Variants in ELAPOR2 observed in about 807,000 individuals in gnomAD.
The protein encoded by ELAPOR2 is endosome/lysosome-associated apoptosis and autophagy regulator family member 2.
Under a neutral mutation model 120.7 loss-of-function variants are expected in ELAPOR2, and 89 were observed. The ratio of observed to expected loss-of-function variants is 0.74; its 90% CI spans 0.62 to 0.88. The LOEUF (loss-of-function observed/expected upper bound fraction) is 0.88, where lower values mean the gene tolerates loss of function less well. Ranked by LOEUF, ELAPOR2 falls within the 40% of genes least tolerant of loss-of-function variation. The pLI, the probability that ELAPOR2 is intolerant of heterozygous loss-of-function variation, is 0.00. For missense variants in ELAPOR2, 1,134 were observed against 1,251.6 expected, an observed-to-expected ratio of 0.91 and a Z score of 1.42; for synonymous variants, 444 against 444.9, an observed-to-expected ratio of 1.00 and a Z score of 0.03.
chr7:87,049,794 C>G (rs4728673), intron 1 of ELAPOR2, among the ~76,000 whole-genome samples: 86,101 of 151,998 alleles, frequency 0.57, 25,073 homozygotes, highest in East Asian at 0.76. Flanking sequence ...AAAATGGGGA[C>G]TTCTATGGTT....
chr7:86,928,309 G>T (rs1283731254), intron 8 of ELAPOR2, among the ~76,000 whole-genome samples: 1 of 151,866 alleles, frequency 6.6e-6, no homozygotes, highest in Non-Finnish European at 1.5e-5. Context: ...AAAATTCAGA[G>T]AATCTAAGCA....
At chr7:86,886,476 C>T (rs1799694432) in intron 21 of ELAPOR2, among the ~76,000 whole-genome samples, 1 of 152,050 alleles carries the variant, frequency 6.6e-6, no homozygotes, top group African/African-American at 2.4e-5. Context: ...GAGACTCTGG[C>T]AAGAGGAGAC....
At chr7:87,040,417 G>A (rs1352375579) in intron 1 of ELAPOR2, among the ~76,000 whole-genome samples, 1 of 152,232 alleles carries the variant, frequency 6.6e-6, no homozygotes, top group African/African-American at 2.4e-5. Context: ...CACGCAGCTG[G>A]AGATCTGAGA....
chr7:86,942,248 A>G (rs577709063), intron 4 of ELAPOR2, 144 bp from the exon 5 acceptor site: 14 of 523,180 alleles, frequency 2.7e-5, no homozygotes, highest in Non-Finnish European at 3.8e-5. Context: ...AAACATACCG[A>G]GACCTCTGGA....
At position 86,892,904 on chromosome 7, in the gene ELAPOR2, A is replaced by C; in HGVS notation, c.2864+18T>G. On this transcript the variant is annotated intron_variant, in intron 20 of 21. Coordinates refer to ENST00000450689, the MANE Select transcript of ELAPOR2 (RefSeq NM_001142749.3). ...TAGGCCCTCTAGCTCTCTTGTGATC[A>C]TCTCAGAGGGTACTTACTTTTGATT... is the stretch of plus-strand genomic sequence containing the variant. The C allele has an allele frequency of 2.3e-5, 34 of 1,482,214 alleles. No individual in the cohort carries two copies. The highest frequency in any genetic ancestry group is 3.0e-5 in the Non-Finnish European group (34 of 1,124,952). The allele number at this position is 1,482,214 out of a possible 1,614,324, so 91.8% of individuals were successfully genotyped here.
chr7:86,883,705 T>A (rs1799544379), intron 21 of ELAPOR2, among the ~76,000 whole-genome samples: 1 of 152,148 alleles, frequency 6.6e-6, no homozygotes, highest in East Asian at 1.9e-4. Context: ...TAACCTATGG[T>A]TTAAAAAGAT....
intron 18 of ELAPOR2, among the ~76,000 whole-genome samples, chr7:86,903,620 A>G (rs1358987317): frequency 1.3e-5 from 2 of 152,226 alleles, no homozygotes; most frequent in Admixed American, 6.5e-5. Flanking sequence ...CTAAATTGGA[A>G]TCTGTGAAAT....
At position 86,951,731 on chromosome 7, in the gene ELAPOR2, T is replaced by G. The variant is rs377710667; in HGVS notation, c.311-3809A>C. ...TACAGGGTTAGGTTCCTGGGAACCT[T>G]TGGTCACATCACCTTTGTCAACCAA... On this transcript the variant is annotated intron_variant, in intron 2 of 21. Coordinates refer to ENST00000450689, the MANE Select transcript of ELAPOR2 (RefSeq NM_001142749.3). Among the ~76,000 whole-genome samples, 12 of 152,334 alleles carry G rather than the reference T, an allele frequency of 7.9e-5. No homozygotes were observed. In the East Asian group the frequency reaches 1.9e-3, roughly 24 times the overall value.
At chr7:86,988,230 G>C (rs1174001808) in intron 1 of ELAPOR2, among the ~76,000 whole-genome samples, 1 of 152,106 alleles carries the variant, frequency 6.6e-6, no homozygotes, top group Non-Finnish European at 1.5e-5. Flanking sequence ...ATAGCACTGG[G>C]AGAAATACCT....
rs114127329 is a variant in ELAPOR2, at chr7:86,889,589, C to T, written c.3030+2135G>A. 4.8e-3 allele frequency among the ~76,000 whole-genome samples: 730 copies of T among 151,888 alleles called. 7 individuals are homozygous for T. The highest frequency in any genetic ancestry group is 0.017 in the African/African-American group (707 of 41,436). On this transcript the variant is annotated intron_variant, in intron 21 of 21. Transcript: ENST00000450689. Reference sequence around the variant, plus strand: ...TACTTCCGGGGGGGACAAGGCAGTACAGTAGGAGATTTCGTCACACTATTC... The same window carrying T: ...TACTTCCGGGGGGGACAAGGCAGTATAGTAGGAGATTTCGTCACACTATTC...
Position 86,991,460 on chromosome 7 carries a change from A to C in ELAPOR2, c.190-26436T>G, listed in dbSNP as rs184409528. Among the ~76,000 whole-genome samples, 288 of 152,240 alleles carry C rather than the reference A, an allele frequency of 1.9e-3. 1 individual carries two copies. Among genetic ancestry groups the C allele is most frequent in the African/African-American group, 6.3e-3 (263 of 41,536 alleles). On this transcript the variant is annotated intron_variant, in intron 1 of 21. Transcript: ENST00000450689. ...CTCACCTCCAGATTTCTTTGTTTCTAGTGATATTACCATCATAGATGTGGT... is the reference window on the plus strand; with the variant it reads ...CTCACCTCCAGATTTCTTTGTTTCTCGTGATATTACCATCATAGATGTGGT...
intron 15 of ELAPOR2, among the ~76,000 whole-genome samples, chr7:86,911,100 A>G (rs1008330891): frequency 3.3e-5 from 5 of 152,152 alleles, no homozygotes; most frequent in Non-Finnish European, 7.4e-5. Flanking sequence ...AAGGTGGAAA[A>G]AGAGGTAGTG....
intron 1 of ELAPOR2, among the ~76,000 whole-genome samples, chr7:87,056,090 C>T (rs997214308): frequency 6.6e-6 from 1 of 152,180 alleles, no homozygotes; most frequent in Admixed American, 6.5e-5. Flanking sequence ...CTGGCAGCCC[C>T]ATTAAGTCCT....
chr7:87,007,290 A>G (rs930991346), intron 1 of ELAPOR2, among the ~76,000 whole-genome samples: 3 of 152,180 alleles, frequency 2.0e-5, no homozygotes, highest in African/African-American at 7.2e-5. Context: ...ATTTCCATGT[A>G]TTCTAGACTT....
chr7:86,982,019 G>T (rs1792515954), intron 1 of ELAPOR2, among the ~76,000 whole-genome samples: 2 of 152,252 alleles, frequency 1.3e-5, no homozygotes. Context: ...CCCGCATCTG[G>T]CTCGGCAGGT....
At chr7:86,900,703 T>C (rs1788679924) in intron 18 of ELAPOR2, among the ~76,000 whole-genome samples, 1 of 152,238 alleles carries the variant, frequency 6.6e-6, no homozygotes, top group Non-Finnish European at 1.5e-5. Flanking sequence ...GATGAATCAC[T>C]TAAATTGTGG....
intron 1 of ELAPOR2, among the ~76,000 whole-genome samples, chr7:86,998,816 A>G (rs1767729): frequency 0.39 from 58,189 of 150,828 alleles, 12,232 homozygotes; most frequent in African/African-American, 0.56. Flanking sequence ...AATCTATTCT[A>G]CCAATTCTTT....
intron 1 of ELAPOR2, among the ~76,000 whole-genome samples, chr7:86,971,361 A>G (rs1008378082): frequency 7.2e-5 from 11 of 152,346 alleles, no homozygotes; most frequent in Middle Eastern, 3.4e-3. Context: ...ATTCTAAAAC[A>G]TACCTACATA....
Position 86,938,153 on chromosome 7 carries a change from G to C in ELAPOR2, c.1062C>G (p.Ile354Met). ...TTCCTTCTTCATCACATGGAGTATG[G>C]ATCTGGAAATAGTCTTTTGTGGTAC... ...PPCTTKDYFQ[I>M]HTPCDEEGKT... Residue 354 changes from isoleucine to methionine, a missense_variant, in exon 8 of 22, where the codon ATC becomes ATG. Coordinates refer to ENST00000450689, the MANE Select transcript of ELAPOR2 (RefSeq NM_001142749.3). The C allele has an allele frequency of 6.4e-7, 1 of 1,551,764 alleles. No homozygotes were observed. Among genetic ancestry groups the C allele is most frequent in the Middle Eastern group, 1.7e-4 (1 of 5,978 alleles).
Sources: gnomAD v4.1 joint callset for allele counts (sites outside exome capture counted in the v4.1 genomes callset) on GRCh38, gnomAD v4.1.1 for gene constraint, MANE v1.5 for transcripts, NCBI Gene and HGNC (gene_info 2026-07-23, HGNC 2026-07-21) for gene names.